Variants in PKHD1L1 observed in about 807,000 individuals in gnomAD.
PKHD1L1 encodes the protein PKHD1 like 1.
In PKHD1L1, 434 loss-of-function variants were observed where a neutral mutation model predicts 462.9. The ratio of observed to expected loss-of-function variants is 0.94; its 90% CI spans 0.87 to 1.02. The LOEUF (loss-of-function observed/expected upper bound fraction) is 1.02, where lower values mean the gene tolerates loss of function less well. Ranked by LOEUF, PKHD1L1 falls within the 50% of genes least tolerant of loss-of-function variation. The pLI is 0.00. For synonymous variants in PKHD1L1, 1,781 were observed against 1,750.0 expected, an observed-to-expected ratio of 1.02 and a Z score of -0.44; for missense variants, 5,202 against 5,096.1, an observed-to-expected ratio of 1.02 and a Z score of -0.63.
At position 109,415,514 on chromosome 8, in the gene PKHD1L1, G is replaced by A. The variant is rs190403636; in HGVS notation, c.2360+1969G>A. On this transcript the variant is annotated intron_variant, in intron 21 of 77. Coordinates refer to ENST00000378402, the MANE Select transcript of PKHD1L1 (RefSeq NM_177531.6). Reference sequence around the variant, plus strand: ...GGTGCTCCAGCAAAGCTAGGTCCCCGGACTCTACCAGGAGGAAATCAGTTG... The same window carrying A: ...GGTGCTCCAGCAAAGCTAGGTCCCCAGACTCTACCAGGAGGAAATCAGTTG... 1.6e-4 allele frequency among the ~76,000 whole-genome samples: 24 copies of A among 152,218 alleles called. 2 individuals are homozygous for A. Among genetic ancestry groups the A allele is most frequent in the East Asian group, 9.7e-4 (5 of 5,172 alleles).
chr8:109,451,251 A>G lies in PKHD1L1; in HGVS notation c.6350+102A>G, dbSNP rs570192833. 1.7e-5 allele frequency: 21 copies of G among 1,224,756 alleles called. 1 individual carries two copies. Among genetic ancestry groups the G allele is most frequent in the Non-Finnish European group, 2.2e-5 (20 of 903,490 alleles). The allele number at this position is 1,224,756 out of a possible 1,614,324, so 75.9% of individuals were successfully genotyped here. On this transcript the variant is annotated intron_variant, in intron 41 of 77. Coordinates refer to ENST00000378402, the MANE Select transcript of PKHD1L1 (RefSeq NM_177531.6). ...GACAGTGCAGAAATACAGTCATGCA[A>G]TGTGTACCTATATGCTCGTAACTTA...
chr8:109,480,576 T>A, intron 55 of PKHD1L1: 1 of 455,414 alleles, frequency 2.2e-6, no homozygotes, highest in South Asian at 1.6e-5. Flanking sequence ...AATCAAAATG[T>A]TACAGTTATT....
intron 55 of PKHD1L1, 64 bp downstream of exon 55, chr8:109,480,203 AAAT>A: frequency 6.9e-7 from 1 of 1,459,680 alleles, no homozygotes; most frequent in Admixed American, 3.0e-5. Context: ...GTATTTACTC[AAAT>A]AATAAGAAAG....
rs1213586336 is a variant in PKHD1L1, at chr8:109,466,727, GTATCTCT to G, written c.8564_8570del (p.Val2855GlyfsTer24). 2 of 1,612,832 alleles carry G rather than the reference GTATCTCT, an allele frequency of 1.2e-6. No individual in the cohort carries two copies. The highest frequency in any genetic ancestry group is 4.5e-5 in the East Asian group (2 of 44,802). On this transcript the variant is annotated frameshift_variant, in exon 50 of 78. Transcript: ENST00000378402. LOFTEE classifies it high-confidence loss of function. The stretch of plus-strand genomic sequence containing the variant: ...TTTAGCGTTCAACCAGCCTTCTCCA[GTATCTCT>G]GCTTGAAAAGGATGTGGTTCTTTCA...
intron 29 of PKHD1L1, 114 bp from the exon 30 acceptor site, chr8:109,436,224 C>T: frequency 9.0e-7 from 1 of 1,107,242 alleles, no homozygotes; most frequent in Non-Finnish European, 1.3e-6. Flanking sequence ...GCCAGTACAT[C>T]TCTTGGATCA....
intron 65 of PKHD1L1, 138 bp downstream of exon 65, chr8:109,497,410 C>A (rs1819156462): frequency 9.5e-7 from 1 of 1,048,584 alleles, no homozygotes; most frequent in Non-Finnish European, 1.3e-6. Context: ...TTCCCACTGC[C>A]CTCTGCCTAA....
rs748852355 is a variant in PKHD1L1 at position 109,364,596 on chromosome 8, C to T, written c.123C>T (p.Gly41=). The change falls in exon 2 of 78, where the codon GGC becomes GGT. Residue 41 remains glycine, a synonymous_variant. Transcript: ENST00000378402. ...PKVTEIIPKY[G]SINGATRLTI... is the part of the protein sequence containing the mutation. The stretch of plus-strand genomic sequence containing the variant: ...TCACAGAAATAATACCTAAATATGG[C>T]AGTATAAATGGAGCAACAAGGCTGA... 3.0e-5 allele frequency: 48 copies of T among 1,596,872 alleles called. No individual in the cohort carries two copies. Among genetic ancestry groups the T allele is most frequent in the Non-Finnish European group, 1.0e-5 (12 of 1,170,180 alleles).
Position 109,445,211 on chromosome 8 carries a change from T to C in PKHD1L1, c.5342T>C (p.Val1781Ala), listed in dbSNP as rs1220406397. 4 of 1,613,844 alleles carry C rather than the reference T, an allele frequency of 2.5e-6. No homozygotes were observed. The Admixed American group carries it at 6.7e-5, about 27-fold the overall frequency. ...GGGACTGTTTTGGAGGACATTGCTGTTTTCATTGGAAATCAACAGTTCAGA... is the reference window on the plus strand; with the variant it reads ...GGGACTGTTTTGGAGGACATTGCTGCTTTCATTGGAAATCAACAGTTCAGA... ...GLGTVLEDIA[V>A]FIGNQQFRAI... Residue 1781 changes from valine to alanine, a missense_variant, in exon 38 of 78, where the codon GTT (valine) becomes GCT (alanine). Around this residue, in one of 3 missense-constraint regions of PKHD1L1, gnomAD observed 4,497 missense variants for 4,336.8 expected, o/e 1.04. Transcript: ENST00000378402.
Position 109,438,809 on chromosome 8 carries a change from G to C in PKHD1L1, c.3761-88G>C, listed in dbSNP as rs566799656. 2.9e-6 allele frequency: 3 copies of C among 1,023,520 alleles called. No homozygotes were observed. The East Asian group carries it at 7.9e-5, about 27-fold the overall frequency. 63.4% of individuals were successfully genotyped at this position (1,023,520 alleles called of 1,614,324 possible). A position where few individuals can be genotyped will look rare whatever the true frequency, so the allele number is the denominator to read the frequency against. On this transcript the variant is annotated intron_variant, in intron 31 of 77. Coordinates refer to ENST00000378402, the MANE Select transcript of PKHD1L1 (RefSeq NM_177531.6). ...ATTTCCTAAATCCAATGAAAGATGA[G>C]AGATGAATTGATTTATTTAATATGC...
Position 109,362,570 on chromosome 8 carries a change from C to G in PKHD1L1, c.-11C>G. 6.2e-7 allele frequency: 1 copy of G among 1,604,080 alleles called. No individual in the cohort carries two copies. Among genetic ancestry groups the G allele is most frequent in the Non-Finnish European group, 8.5e-7 (1 of 1,175,380 alleles). ...AGCGGAGGGCACCAACTCCGCAGAA[C>G]TGGCTTTTCAATGGGACACCTGTGG... is the stretch of plus-strand genomic sequence containing the variant. On this transcript the variant is annotated 5_prime_UTR_variant, in exon 1 of 78. Coordinates refer to ENST00000378402, the MANE Select transcript of PKHD1L1 (RefSeq NM_177531.6).
intron 50 of PKHD1L1, chr8:109,471,045 C>T (rs1817688888): frequency 1.3e-6 from 2 of 1,596,486 alleles, no homozygotes; most frequent in Non-Finnish European, 1.7e-6. Context: ...GCCACATTAA[C>T]ACCTTCTGCG....
intron 48 of PKHD1L1, 116 bp downstream of exon 48, chr8:109,462,024 T>C: frequency 8.0e-7 from 1 of 1,250,526 alleles, no homozygotes; most frequent in South Asian, 1.8e-5. Context: ...GGGAGACAGA[T>C]ACATAAGTAA....
intron 34 of PKHD1L1, among the ~76,000 whole-genome samples, chr8:109,441,746 G>C (rs1035888823): frequency 8.6e-5 from 13 of 151,824 alleles, no homozygotes; most frequent in African/African-American, 3.1e-4. Context: ...ACTATTTATT[G>C]ACTTTCCAAT....
chr8:109,419,292 C>A, intron 22 of PKHD1L1, 32 bp downstream of exon 22: 1 of 1,500,142 alleles, frequency 6.7e-7, no homozygotes. Flanking sequence ...CTGCTTTAAT[C>A]TAAATATAGT....
rs373526388 is a variant in PKHD1L1, at chr8:109,442,096, C to T, written c.4294C>T (p.Leu1432Phe). Reference sequence around the variant, plus strand: ...ATGGCATTGGCAAACACATCCGTTTCTTAGAGGGATAGGATATAGGATTTT... The same window carrying T: ...ATGGCATTGGCAAACACATCCGTTTTTTAGAGGGATAGGATATAGGATTTT... ...VAWHWQTHPFLRGIGYRIFSV... is the reference protein window; with the variant it reads ...VAWHWQTHPFFRGIGYRIFSV... Residue 1432 changes from leucine (L) to phenylalanine (F), a missense_variant, in exon 35 of 78, where the codon CTT (leucine) becomes TTT (phenylalanine). Physicochemically the swap from Leu to Phe is conservative, Grantham distance 22. Around this residue, in one of 3 missense-constraint regions of PKHD1L1, gnomAD observed 4,497 missense variants for 4,336.8 expected, o/e 1.04. Transcript: ENST00000378402. The T allele has an allele frequency of 2.2e-5, 36 of 1,613,270 alleles. No individual in the cohort carries two copies. The highest frequency in any genetic ancestry group is 1.6e-4 in the Middle Eastern group (1 of 6,080).
At chr8:109,407,450 C>A (rs1813616071) in intron 17 of PKHD1L1, among the ~76,000 whole-genome samples, 1 of 152,072 alleles carries the variant, frequency 6.6e-6, no homozygotes, top group Non-Finnish European at 1.5e-5. Flanking sequence ...AATTTTAAGA[C>A]TTTACCCAAC....
At chr8:109,484,611 T>TG (rs2130897814) in intron 57 of PKHD1L1, among the ~76,000 whole-genome samples, 1 of 152,036 alleles carries the variant, frequency 6.6e-6, no homozygotes, top group South Asian at 2.1e-4. Flanking sequence ...GACTCAGCCT[T>TG]GCCCTTTAAC....
chr8:109,534,851 G>A lies in PKHD1L1; in HGVS notation c.*4761G>A, dbSNP rs73700631. Among the ~76,000 whole-genome samples the A allele has an allele frequency of 0.048, 7,299 of 152,006 alleles. 428 individuals carry two copies. The highest frequency in any genetic ancestry group is 0.13 in the African/African-American group (5,561 of 41,434). ...CCATCATTCTGAAATTAGAAAGATG[G>A]TCATGGAGAAACTGTTCTAAGAACG... On this transcript the variant is annotated 3_prime_UTR_variant, in exon 78 of 78. Transcript: ENST00000378402.
intron 71 of PKHD1L1, among the ~76,000 whole-genome samples, chr8:109,511,267 A>G (rs185860246): frequency 6.6e-6 from 1 of 152,066 alleles, no homozygotes; most frequent in Admixed American, 6.5e-5. Context: ...ACATGTATAT[A>G]TGTGCCATGC....
Sources: gnomAD v4.1 joint callset for allele counts (sites outside exome capture counted in the v4.1 genomes callset) on GRCh38, gnomAD v4.1.1 for gene constraint, gnomAD v4.1.1 regional missense constraint, MANE v1.5 for transcripts, NCBI Gene and HGNC (gene_info 2026-07-23, HGNC 2026-07-21) for gene names.